ZNF804A: variants seen among roughly 807,000 people sequenced by gnomAD.
ZNF804A encodes zinc finger protein 804A.
Under a neutral mutation model 16.5 loss-of-function variants are expected in ZNF804A, and 2 were observed. The observed-to-expected ratio is 0.12, with a 90% CI of 0.05 to 0.38. ZNF804A has a LOEUF of 0.38. ZNF804A is among the 10% of genes least tolerant of loss of function. The probability of loss-of-function intolerance (pLI) is 0.99; values close to 1 mark genes in which losing one functional copy is unlikely to be tolerated. For missense variants in ZNF804A, 1,473 were observed against 1,390.7 expected (o/e 1.06, Z -0.94); for synonymous variants, 534 against 489.6 (o/e 1.09, Z -1.20).
intron 1 of ZNF804A, among the ~76,000 whole-genome samples, chr2:184,647,978 G>A (rs1221839501): frequency 6.6e-6 from 1 of 152,102 alleles, no homozygotes; most frequent in Non-Finnish European, 1.5e-5. Context: ...GTTAAAGACA[G>A]CTAGATAAAA....
At chr2:184,600,081 C>T (rs1691022294) in intron 1 of ZNF804A, among the ~76,000 whole-genome samples, 2 of 152,128 alleles carry the variant, frequency 1.3e-5, no homozygotes, top group South Asian at 2.1e-4. Flanking sequence ...GCCTCCCTTC[C>T]CCTTTCTTAC....
intron 1 of ZNF804A, among the ~76,000 whole-genome samples, chr2:184,830,448 CTGGGGATTTTT>C (rs1695245523): frequency 6.6e-6 from 1 of 152,034 alleles, no homozygotes; most frequent in Non-Finnish European, 1.5e-5. Flanking sequence ...GTGGTGAAGT[CTGGGGATTTTT>C]TGAAACAGTA....
intron 2 of ZNF804A, among the ~76,000 whole-genome samples, chr2:184,919,715 A>G (rs1685501028): frequency 6.6e-6 from 1 of 152,188 alleles, no homozygotes; most frequent in Non-Finnish European, 1.5e-5. Flanking sequence ...ATAATTTTAC[A>G]TCTCAGTATT....
intron 1 of ZNF804A, among the ~76,000 whole-genome samples, chr2:184,650,059 C>T (rs538069788): frequency 2.0e-5 from 3 of 152,058 alleles, no homozygotes; most frequent in African/African-American, 7.2e-5. Flanking sequence ...GACAAATCCT[C>T]GAGAAAATAC....
chr2:184,789,532 A>G (rs1436396578), intron 1 of ZNF804A, among the ~76,000 whole-genome samples: 2 of 151,540 alleles, frequency 1.3e-5, no homozygotes, highest in Non-Finnish European at 2.9e-5. Flanking sequence ...TGATCTGTTC[A>G]ATGTTTCTGT....
At chr2:184,608,503 C>T (rs1180186763) in intron 1 of ZNF804A, among the ~76,000 whole-genome samples, 1 of 152,098 alleles carries the variant, frequency 6.6e-6, no homozygotes, top group Non-Finnish European at 1.5e-5. Flanking sequence ...GTAAGAAAAA[C>T]TGTGTTTTTG....
chr2:184,912,089 T>G (rs530394142), intron 2 of ZNF804A, among the ~76,000 whole-genome samples: 94 of 152,068 alleles, frequency 6.2e-4, no homozygotes, highest in African/African-American at 2.2e-3. Flanking sequence ...ACACCATCCT[T>G]TTCTAGTTCC....
chr2:184,912,544 T>A (rs1685379213), intron 2 of ZNF804A, among the ~76,000 whole-genome samples: 1 of 152,100 alleles, frequency 6.6e-6, no homozygotes, highest in Admixed American at 6.6e-5. Context: ...CAACAGTGGC[T>A]GCACCAATTT....
chr2:184,708,521 A>G (rs1203194248), intron 1 of ZNF804A, among the ~76,000 whole-genome samples: 5 of 152,018 alleles, frequency 3.3e-5, no homozygotes, highest in African/African-American at 1.2e-4. Context: ...GATCTTCAAC[A>G]GAGTCAACAA....
At chr2:184,693,953 G>A (rs1449406336) in intron 1 of ZNF804A, among the ~76,000 whole-genome samples, 3 of 136,140 alleles carry the variant, frequency 2.2e-5, no homozygotes, top group Admixed American at 7.5e-5. Flanking sequence ...TTTTTTTGAC[G>A]GAGGCTCACT....
At chr2:184,769,775 G>A (rs1289290470) in intron 1 of ZNF804A, among the ~76,000 whole-genome samples, 1 of 152,002 alleles carries the variant, frequency 6.6e-6, no homozygotes, top group African/African-American at 2.4e-5. Context: ...AGGGTACATA[G>A]TTCTGGGTCA....
chr2:184,916,273 C>G (rs1180293470), intron 2 of ZNF804A, among the ~76,000 whole-genome samples: 2 of 152,024 alleles, frequency 1.3e-5, no homozygotes, highest in African/African-American at 4.8e-5. Flanking sequence ...AATTTTGGAA[C>G]AAGAGAGTAA....
chr2:184,617,467 TTATG>T (rs1691346081), intron 1 of ZNF804A, among the ~76,000 whole-genome samples: 1 of 151,882 alleles, frequency 6.6e-6, no homozygotes, highest in Non-Finnish European at 1.5e-5. Flanking sequence ...GTAAACAGCT[TTATG>T]AATAGCAGAA....
At chr2:184,752,583 A>G (rs1472371557) in intron 1 of ZNF804A, among the ~76,000 whole-genome samples, 2 of 151,686 alleles carry the variant, frequency 1.3e-5, no homozygotes, top group East Asian at 1.9e-4. Context: ...CCAGTACACA[A>G]TATACCCATG....
intron 1 of ZNF804A, among the ~76,000 whole-genome samples, chr2:184,830,444 AAGT>A (rs1695245422): frequency 6.6e-6 from 1 of 152,120 alleles, no homozygotes; most frequent in Non-Finnish European, 1.5e-5. Context: ...TTCAGTGGTG[AAGT>A]CTGGGGATTT....
intron 2 of ZNF804A, among the ~76,000 whole-genome samples, chr2:184,924,577 AT>A (rs1006378860): frequency 1.2e-3 from 180 of 145,750 alleles, no homozygotes; most frequent in Non-Finnish European, 1.8e-3. Flanking sequence ...TCTAATCTTT[AT>A]TTTTTTTTCT....
chr2:184,826,261 G>A (rs554817165), intron 1 of ZNF804A, among the ~76,000 whole-genome samples: 37 of 152,084 alleles, frequency 2.4e-4, no homozygotes, highest in Middle Eastern at 6.8e-3. Flanking sequence ...ATATTTAACA[G>A]CTTTTTTGTT....
intron 1 of ZNF804A, among the ~76,000 whole-genome samples, chr2:184,747,321 CAA>C (rs397986917): frequency 1.2e-3 from 93 of 78,078 alleles, no homozygotes; most frequent in Middle Eastern, 9.6e-3. Flanking sequence ...AATCTTGCTG[CAA>C]AAAAAAAAAA....
intron 2 of ZNF804A, among the ~76,000 whole-genome samples, chr2:184,924,657 A>T (rs1685580407): frequency 6.6e-6 from 1 of 150,690 alleles, no homozygotes; most frequent in African/African-American, 2.4e-5. Flanking sequence ...GGTTATTTGA[A>T]GTTGTCTTCT....
Sources: gnomAD v4.1 joint callset for allele counts (sites outside exome capture counted in the v4.1 genomes callset) on GRCh38, gnomAD v4.1.1 for gene constraint, MANE v1.5 for transcripts, NCBI Gene and HGNC (gene_info 2026-07-23, HGNC 2026-07-21) for gene names.